Variants in FAM53B observed in about 807,000 individuals in gnomAD.
FAM53B encodes the protein protein FAM53B.
In FAM53B, 12 loss-of-function variants were observed where a neutral mutation model predicts 32.7. The observed-to-expected ratio is 0.37, with a 90% CI of 0.24 to 0.59. The LOEUF (loss-of-function observed/expected upper bound fraction) is 0.59, where lower values mean the gene tolerates loss of function less well. FAM53B is among the 20% of genes least tolerant of loss of function. The pLI is 0.72. For synonymous variants in FAM53B, 234 were observed against 228.7 expected (o/e 1.02, Z -0.21); for missense variants, 477 against 577.7 (o/e 0.83, Z 1.79).
intron 4 of FAM53B, among the ~76,000 whole-genome samples, chr10:124,644,495 G>A (rs762616941): frequency 6.6e-6 from 1 of 152,162 alleles, no homozygotes; most frequent in Non-Finnish European, 1.5e-5. Flanking sequence ...TGAAGATGTG[G>A]GTGGCAACTC....
At chr10:124,711,988 A>G (rs1247685084) in intron 1 of FAM53B, among the ~76,000 whole-genome samples, 1 of 152,060 alleles carries the variant, frequency 6.6e-6, no homozygotes, top group Non-Finnish European at 1.5e-5. Flanking sequence ...TGAGCCCAGG[A>G]GTTTGAAGTT....
At chr10:124,730,197 A>G (rs1313697543) in intron 1 of FAM53B, among the ~76,000 whole-genome samples, 3 of 152,230 alleles carry the variant, frequency 2.0e-5, no homozygotes, top group Non-Finnish European at 4.4e-5. Context: ...CCAGCATGGT[A>G]GGAACAATGG....
chr10:124,633,172 A>G (rs1949402414), intron 4 of FAM53B, among the ~76,000 whole-genome samples: 1 of 151,938 alleles, frequency 6.6e-6, no homozygotes, highest in Non-Finnish European at 1.5e-5. Context: ...TGCTTTCAAG[A>G]GCAAGAAGAC....
intron 4 of FAM53B, among the ~76,000 whole-genome samples, chr10:124,652,313 C>G (rs150334414): frequency 1.9e-3 from 285 of 152,302 alleles, no homozygotes; most frequent in Admixed American, 4.6e-3. Flanking sequence ...CAGCCGTGCC[C>G]AGGGGTGAAC....
intron 4 of FAM53B, among the ~76,000 whole-genome samples, chr10:124,678,132 C>G (rs1424969776): frequency 2.0e-5 from 3 of 152,238 alleles, no homozygotes; most frequent in Non-Finnish European, 2.9e-5. Flanking sequence ...GGCATTCTTA[C>G]AGCAGACTGA....
At chr10:124,632,929 C>T (rs144902753) in intron 4 of FAM53B, among the ~76,000 whole-genome samples, 123 of 152,332 alleles carry the variant, frequency 8.1e-4, no homozygotes, top group African/African-American at 2.8e-3. Context: ...CCTGAGGGAA[C>T]TTGGCAAATC....
intron 4 of FAM53B, among the ~76,000 whole-genome samples, chr10:124,628,847 G>A (rs1054777117): frequency 1.1e-4 from 17 of 152,176 alleles, no homozygotes; most frequent in African/African-American, 3.4e-4. Flanking sequence ...GTCACACTTC[G>A]CAGCTCCCAA....
rs1427280874 is a variant in FAM53B at position 124,690,856 on chromosome 10, T to TAAG, written c.133+5301_133+5302insCTT. Reference sequence around the variant, plus strand: ...TTTTCAATGAAAACAAATCTCATTCTAGCCTACACTGGTTAATGAGCAGTC... The same window carrying TAAG: ...TTTTCAATGAAAACAAATCTCATTCTAAGAGCCTACACTGGTTAATGAGCAGTC... On this transcript the variant is annotated intron_variant, in intron 3 of 4. Transcript: ENST00000337318. Among the ~76,000 whole-genome samples, 4 of 152,228 alleles carry TAAG rather than the reference T, an allele frequency of 2.6e-5. No individual in the cohort carries two copies. In the East Asian group the frequency reaches 7.7e-4, roughly 29 times the overall value.
chr10:124,684,866 A>G (rs374528118), intron 3 of FAM53B, among the ~76,000 whole-genome samples: 1 of 152,236 alleles, frequency 6.6e-6, no homozygotes, highest in African/African-American at 2.4e-5. Flanking sequence ...CACAGTCACA[A>G]CTATCCCAGT....
chr10:124,713,392 A>T (rs1324293316), intron 1 of FAM53B: 1 of 152,202 alleles, frequency 6.6e-6, no homozygotes, highest in Non-Finnish European at 1.5e-5. Context: ...GCTCTCACAC[A>T]AGGCCTTGCT....
chr10:124,677,432 G>A (rs1236207925), intron 4 of FAM53B, among the ~76,000 whole-genome samples: 2 of 152,364 alleles, frequency 1.3e-5, no homozygotes, highest in African/African-American at 4.8e-5. Context: ...GGAGGCCCAC[G>A]GGGCCGGGCT....
chr10:124,669,515 G>A (rs781655157), intron 4 of FAM53B, among the ~76,000 whole-genome samples: 10 of 152,200 alleles, frequency 6.6e-5, no homozygotes, highest in Non-Finnish European at 8.8e-5. Context: ...TGATGGGCCC[G>A]GAGGATGTGG....
intron 3 of FAM53B, among the ~76,000 whole-genome samples, chr10:124,691,504 T>C (rs1204258007): frequency 6.6e-6 from 1 of 152,224 alleles, no homozygotes; most frequent in African/African-American, 2.4e-5. Context: ...AGCATATGAA[T>C]TGTTTTGTTC....
chr10:124,654,350 G>A (rs3781460), intron 4 of FAM53B, among the ~76,000 whole-genome samples: 41,429 of 152,172 alleles, frequency 0.27, 6,471 homozygotes, highest in South Asian at 0.39. Context: ...TCCACACCAG[G>A]ACAGAAACTG....
chr10:124,668,599 C>G (rs1037819355), intron 4 of FAM53B, among the ~76,000 whole-genome samples: 3 of 152,260 alleles, frequency 2.0e-5, no homozygotes, highest in Admixed American at 2.0e-4. Context: ...AGGTACAGAG[C>G]CAGAAAGGCA....
At chr10:124,671,464 T>C (rs1455537490) in intron 4 of FAM53B, among the ~76,000 whole-genome samples, 1 of 152,240 alleles carries the variant, frequency 6.6e-6, no homozygotes, top group Non-Finnish European at 1.5e-5. Flanking sequence ...TAGCTAACCA[T>C]TGCTCACAGT....
chr10:124,692,230 C>G (rs974577377), intron 3 of FAM53B, among the ~76,000 whole-genome samples: 2 of 152,118 alleles, frequency 1.3e-5, no homozygotes, highest in African/African-American at 4.8e-5. Flanking sequence ...GCACTCAGCT[C>G]TACCCTATCT....
intron 1 of FAM53B, among the ~76,000 whole-genome samples, chr10:124,740,588 T>C (rs1950194189): frequency 6.6e-6 from 1 of 152,152 alleles, no homozygotes; most frequent in African/African-American, 2.4e-5. Flanking sequence ...GTCCCCAACC[T>C]TGAGCCATAA....
At chr10:124,643,959 G>C (rs1949494024) in intron 4 of FAM53B, among the ~76,000 whole-genome samples, 1 of 152,196 alleles carries the variant, frequency 6.6e-6, no homozygotes, top group Non-Finnish European at 1.5e-5. Flanking sequence ...TTGGGTCTCT[G>C]GAACATTCTA....
Sources: gnomAD v4.1 joint callset for allele counts (sites outside exome capture counted in the v4.1 genomes callset) on GRCh38, gnomAD v4.1.1 for gene constraint, MANE v1.5 for transcripts, NCBI Gene and HGNC (gene_info 2026-07-23, HGNC 2026-07-21) for gene names.